Variants in IL4I1 observed in about 807,000 individuals in gnomAD.
IL4I1 encodes the protein L-amino-acid oxidase.
In IL4I1, 24 loss-of-function variants were observed where a neutral mutation model predicts 29.7. That is an observed-to-expected ratio of 0.81 (90% CI 0.59 to 1.14). The LOEUF is 1.14. Among genes scored for constraint, IL4I1 ranks in the 50% most tolerant of loss-of-function variants. The pLI is 0.00. For missense variants in IL4I1, 686 were observed against 785.6 expected (o/e 0.87, Z 1.52); for synonymous variants, 371 against 352.5 (o/e 1.05, Z -0.59).
At chr19:49,898,312 C>T (rs565692833), upstream of IL4I1, among the ~76,000 whole-genome samples, 2 of 152,060 alleles carry the variant, frequency 1.3e-5, no homozygotes, top group East Asian at 3.9e-4. Context: ...CAGAGCCAGA[C>T]TCCATCTCAA....
At chr19:49,917,010 G>C (rs1027238926) in intron 2 of IL4I1, among the ~76,000 whole-genome samples, 8 of 152,276 alleles carry the variant, frequency 5.3e-5, no homozygotes, top group Admixed American at 5.2e-4. Context: ...ACAACGCAGA[G>C]CCCAGATGCA....
At chr19:49,908,992 G>C in intron 2 of IL4I1, 1 of 1,611,064 alleles carries the variant, frequency 6.2e-7, no homozygotes, top group Non-Finnish European at 8.5e-7. Flanking sequence ...TGGCAGCGGT[G>C]GATGTTGTTG....
chr19:49,896,041 A>G lies in IL4I1; in HGVS notation c.26T>C (p.Leu9Pro), dbSNP rs765827962. Reference protein sequence around the residue: MAPLALHLLVLVPILLSLV... With the variant: MAPLALHLPVLVPILLSLV... ...GCTGAGGAGGATGGGGACGAGGACG[A>G]GGAGGTGCAGGGCTGGGAGGAGGAG... Residue 9 changes from leucine to proline, a missense_variant, in exon 3 of 8, where the codon CTC (leucine) becomes CCC (proline). Transcript: ENST00000391826. 1 of 1,613,650 alleles carries G rather than the reference A, an allele frequency of 6.2e-7. No individual in the cohort carries two copies. The highest frequency in any genetic ancestry group is 1.7e-5 in the Admixed American group (1 of 59,952).
intron 3 of IL4I1, 93 bp downstream of exon 3, chr19:49,895,722 C>A: frequency 9.0e-7 from 1 of 1,111,060 alleles, no homozygotes; most frequent in Non-Finnish European, 1.3e-6. Flanking sequence ...CACCTCCACC[C>A]CCTCAAGGAG....
intron 2 of IL4I1, among the ~76,000 whole-genome samples, chr19:49,913,904 T>C (rs2075550280): frequency 6.6e-6 from 1 of 151,872 alleles, no homozygotes; most frequent in South Asian, 2.1e-4. Context: ...GGATGAACCG[T>C]AGGGGTAGAG....
chr19:49,909,915 G>T, intron 2 of IL4I1: 1 of 1,279,840 alleles, frequency 7.8e-7, no homozygotes, highest in Non-Finnish European at 1.1e-6. Context: ...TTGTCAGATG[G>T]CAGTTTTGGA....
chr19:49,901,590 C>A (rs75663438), upstream of IL4I1: 145 of 1,321,046 alleles, frequency 1.1e-4, no homozygotes, highest in African/African-American at 2.1e-3. Flanking sequence ...CCATGGAACC[C>A]TCCTTCCTGT....
chr19:49,898,376 C>T (rs765686576), upstream of IL4I1, among the ~76,000 whole-genome samples: 22 of 152,210 alleles, frequency 1.4e-4, no homozygotes, highest in Non-Finnish European at 2.6e-4. Context: ...CGGAGGCTCA[C>T]TGCTGTAATC....
intron 2 of IL4I1, chr19:49,911,423 A>C (rs2075459724): frequency 6.6e-6 from 1 of 152,182 alleles, no homozygotes; most frequent in Non-Finnish European, 1.5e-5. Context: ...CAAGTGCCTG[A>C]CCCAGAGAAA....
rs375916454 is a variant in IL4I1, at chr19:49,916,108, T to C, written c.-228+11586A>G. ...GAGCCCTTCCTGGGTGGGAAACAAG[T>C]GCAGACTCCCCAAGGCCACCCAGCA... On this transcript the variant is annotated intron_variant, in intron 2 of 9. Coordinates refer to the IL4I1 transcript ENST00000341114. Among the ~76,000 whole-genome samples, 39 of 152,294 alleles carry C rather than the reference T, an allele frequency of 2.6e-4. 1 individual carries two copies. The East Asian group carries it at 7.5e-3, about 29-fold the overall frequency.
intron 2 of IL4I1, among the ~76,000 whole-genome samples, chr19:49,920,311 G>A (rs948181030): frequency 1.3e-5 from 2 of 152,144 alleles, no homozygotes; most frequent in Non-Finnish European, 2.9e-5. Flanking sequence ...TGAATCTCTC[G>A]ACCTTGAGAT....
At chr19:49,924,414 G>A (rs1279992283) in intron 2 of IL4I1, among the ~76,000 whole-genome samples, 3 of 152,104 alleles carry the variant, frequency 2.0e-5, no homozygotes, top group Non-Finnish European at 2.9e-5. Flanking sequence ...AACCGGGAGC[G>A]GTTGCCAGGT....
At chr19:49,925,939 G>A (rs1381607294) in intron 2 of IL4I1, among the ~76,000 whole-genome samples, 3 of 152,056 alleles carry the variant, frequency 2.0e-5, no homozygotes, top group Non-Finnish European at 2.9e-5. Flanking sequence ...CCTTGGGTAC[G>A]GTGGCTCACA....
chr19:49,922,794 CGGTGCCTTTCAGGGGCCCA>C (rs1390905140), intron 2 of IL4I1, among the ~76,000 whole-genome samples: 2 of 152,256 alleles, frequency 1.3e-5, no homozygotes, highest in African/African-American at 4.8e-5. Flanking sequence ...GCTGCGGCCC[CGGTGCCTTTCAGGGGCCCA>C]GGTGCTTCTG....
chr19:49,902,363 T>TC (rs938996632), intron 3 of IL4I1, among the ~76,000 whole-genome samples: 3 of 149,590 alleles, frequency 2.0e-5, no homozygotes, highest in African/African-American at 7.4e-5. Flanking sequence ...CCATTTCTTT[T>TC]TTTTTTTTTT....
intron 2 of IL4I1, chr19:49,927,554 C>G (rs2075931620): frequency 6.6e-6 from 1 of 152,186 alleles, no homozygotes; most frequent in Non-Finnish European, 1.5e-5. Flanking sequence ...AACACAGCCC[C>G]TATAGGCCCA....
At chr19:49,918,898 GGGGGGGGGGGCGGGGTGT>G (rs1283328932) in intron 2 of IL4I1, among the ~76,000 whole-genome samples, 2 of 71,318 alleles carry the variant, frequency 2.8e-5, no homozygotes, top group East Asian at 1.1e-3. Context: ...GGGAGGCTGG[GGGGGGGGGGGCGGGGTGT>G]GGGGGGGCGG....
chr19:49,923,836 A>G (rs1167239196), intron 2 of IL4I1, among the ~76,000 whole-genome samples: 4 of 152,232 alleles, frequency 2.6e-5, no homozygotes, highest in Admixed American at 2.0e-4. Flanking sequence ...GGCTGGCTCT[A>G]GGGCCCATGC....
At chr19:49,897,194 C>A (rs533919926), upstream of IL4I1, among the ~76,000 whole-genome samples, 1 of 152,216 alleles carries the variant, frequency 6.6e-6, no homozygotes, top group African/African-American at 2.4e-5. Flanking sequence ...TTTCTATCCT[C>A]CCCTGCACTC....
Sources: allele counts gnomAD v4.1 joint callset (sites outside exome capture counted in the v4.1 genomes callset), GRCh38; gene constraint gnomAD v4.1.1; transcripts MANE v1.5; gene names NCBI Gene and HGNC (gene_info 2026-07-23, HGNC 2026-07-21).